Variants in GPR107 observed in about 807,000 individuals in gnomAD.
GPR107 encodes the protein G protein-coupled receptor 107.
Under a neutral mutation model 75.5 loss-of-function variants are expected in GPR107, and 31 were observed. The observed-to-expected ratio is 0.41, with a 90% CI of 0.31 to 0.55. The LOEUF (loss-of-function observed/expected upper bound fraction) is 0.55, where lower values mean the gene tolerates loss of function less well. Among genes scored for constraint, GPR107 ranks in the 20% least tolerant of loss-of-function variants. The pLI is 0.26. For missense variants in GPR107, 572 were observed against 665.7 expected (o/e 0.86, Z 1.55); for synonymous variants, 267 against 251.3 (o/e 1.06, Z -0.59).
At chr9:130,089,240 G>A (rs1452323254) in intron 7 of GPR107, among the ~76,000 whole-genome samples, 2 of 152,068 alleles carry the variant, frequency 1.3e-5, no homozygotes, top group Non-Finnish European at 2.9e-5. Flanking sequence ...GGATGCACAC[G>A]TGTCAGGCAC....
At position 130,135,263 on chromosome 9, in the gene GPR107, G is replaced by A. The variant is rs1225956450; in HGVS notation, c.*142G>A. 15 of 556,342 alleles carry A rather than the reference G, an allele frequency of 2.7e-5. No individual in the cohort carries two copies. Among genetic ancestry groups the A allele is most frequent in the South Asian group, 4.7e-5 (2 of 42,628 alleles). 34.5% of individuals were successfully genotyped at this position (556,342 alleles called of 1,614,324 possible). ...GGGCACATGGCTGGAGCACAGTGCC[G>A]CGGAAACCTGATTTTGTACTCTCTT... On this transcript the variant is annotated 3_prime_UTR_variant, in exon 18 of 18. Transcript: ENST00000347136.
At chr9:130,080,518 G>A (rs1830468698) in intron 5 of GPR107, among the ~76,000 whole-genome samples, 1 of 136,576 alleles carries the variant, frequency 7.3e-6, no homozygotes, top group South Asian at 2.2e-4. Context: ...TTGAGACGGA[G>A]TCTCGCTCTG....
intron 14 of GPR107, among the ~76,000 whole-genome samples, chr9:130,109,601 G>A (rs1170731232): frequency 5.0e-5 from 7 of 140,402 alleles, no homozygotes; most frequent in Middle Eastern, 4.4e-3. Context: ...ACGAAGTCTC[G>A]CACTGTCTGC....
At chr9:130,109,684 C>G (rs1048210797) in intron 14 of GPR107, among the ~76,000 whole-genome samples, 4 of 152,018 alleles carry the variant, frequency 2.6e-5, no homozygotes, top group African/African-American at 9.6e-5. Context: ...ATTCTCCTGC[C>G]TCAGCCTCCC....
At chr9:130,087,992 C>G (rs1830654575) in intron 7 of GPR107, among the ~76,000 whole-genome samples, 2 of 152,084 alleles carry the variant, frequency 1.3e-5, no homozygotes, top group Admixed American at 1.3e-4. Flanking sequence ...TTCCATGGAT[C>G]ATTTTGCCTG....
chr9:130,063,810 CTT>C (rs1317543145), intron 1 of GPR107, among the ~76,000 whole-genome samples: 11 of 130,200 alleles, frequency 8.4e-5, no homozygotes, highest in Non-Finnish European at 8.2e-5. Flanking sequence ...GGAGTTTATT[CTT>C]TTTTTTTTTT....
At chr9:130,090,846 A>G in intron 7 of GPR107, 30 bp from the exon 8 acceptor site, 1 of 788,202 alleles carries the variant, frequency 1.3e-6, no homozygotes, top group Non-Finnish European at 2.2e-6. Flanking sequence ...GGATTTGGGT[A>G]CCTTTAAATG....
At chr9:130,068,845 A>G (rs984165964) in intron 1 of GPR107, among the ~76,000 whole-genome samples, 1 of 151,616 alleles carries the variant, frequency 6.6e-6, no homozygotes, top group Non-Finnish European at 1.5e-5. Context: ...GGATGGGTTC[A>G]AGTGATCCTC....
intron 7 of GPR107, among the ~76,000 whole-genome samples, chr9:130,089,104 A>G (rs1322259343): frequency 1.3e-5 from 2 of 151,940 alleles, no homozygotes; most frequent in African/African-American, 4.8e-5. Flanking sequence ...CGGGAGGCTG[A>G]GGTTGCAATG....
chr9:130,118,937 G>T (rs1384489372), intron 14 of GPR107, among the ~76,000 whole-genome samples: 2 of 152,188 alleles, frequency 1.3e-5, no homozygotes, highest in Non-Finnish European at 2.9e-5. Context: ...CCTGCCTGGG[G>T]CCTTGTCTCT....
intron 6 of GPR107, among the ~76,000 whole-genome samples, chr9:130,084,835 A>G (rs1337480569): frequency 6.6e-6 from 1 of 152,008 alleles, no homozygotes; most frequent in Non-Finnish European, 1.5e-5. Flanking sequence ...TACATGATGT[A>G]GGATCAGGTA....
chr9:130,108,581 C>T (rs1831216896), intron 14 of GPR107, among the ~76,000 whole-genome samples: 1 of 152,198 alleles, frequency 6.6e-6, no homozygotes, highest in Admixed American at 6.5e-5. Flanking sequence ...TCCTGCTGTC[C>T]AGGTTCACGT....
At chr9:130,113,439 C>T (rs1419801276) in intron 14 of GPR107, among the ~76,000 whole-genome samples, 2 of 151,880 alleles carry the variant, frequency 1.3e-5, no homozygotes, top group African/African-American at 2.4e-5. Context: ...AATTTGTTGC[C>T]CAAGCTGGTC....
intron 6 of GPR107, among the ~76,000 whole-genome samples, chr9:130,085,009 A>G (rs2132578869): frequency 6.6e-6 from 1 of 152,266 alleles, no homozygotes; most frequent in African/African-American, 2.4e-5. Context: ...GGCTCGTTTG[A>G]AGTAAAAGAC....
chr9:130,075,615 C>T lies in GPR107; in HGVS notation c.142-21C>T, dbSNP rs753262523. ...AAGCACTTTTCCATATGACTAATTC[C>T]ACCACTACAAATCTCTTTAGGATGA... is the stretch of plus-strand genomic sequence containing the variant. On this transcript the variant is annotated intron_variant, in intron 1 of 17. Transcript: ENST00000347136. The T allele has an allele frequency of 4.9e-6, 6 of 1,213,178 alleles. No individual in the cohort carries two copies. The East Asian group carries it at 1.4e-4, about 28-fold the overall frequency. The allele number at this position is 1,213,178 out of a possible 1,614,324, so 75.2% of individuals were successfully genotyped here.
intron 14 of GPR107, among the ~76,000 whole-genome samples, chr9:130,119,213 C>G (rs1208513056): frequency 6.6e-6 from 1 of 152,216 alleles, no homozygotes; most frequent in South Asian, 2.1e-4. Context: ...GGGCTCCACC[C>G]CTGCTCGGCA....
chr9:130,086,542 T>C, intron 7 of GPR107, 66 bp downstream of exon 7: 1 of 914,052 alleles, frequency 1.1e-6, no homozygotes, highest in South Asian at 1.4e-5. Context: ...GTAATTTTTT[T>C]TTAGAGGAAT....
intron 11 of GPR107, 88 bp from the exon 12 acceptor site, chr9:130,101,018 G>T: frequency 2.5e-6 from 2 of 810,576 alleles, no homozygotes; most frequent in East Asian, 2.4e-5. Context: ...TAAGAAGCTT[G>T]TGAACTCATA....
At position 130,136,046 on chromosome 9, in the gene GPR107, G is replaced by A. The variant is rs552715339; in HGVS notation, c.*925G>A. ...TTTCCTCAAGGAGCAGCTGGGGGCA[G>A]AATAGGTAGTATTTAAGCAAATACT... is the stretch of plus-strand genomic sequence containing the variant. On this transcript the variant is annotated 3_prime_UTR_variant, in exon 18 of 18. Coordinates refer to ENST00000347136, the MANE Select transcript of GPR107 (RefSeq NM_020960.5). The A allele has an allele frequency of 6.6e-6, 1 of 152,316 alleles. No individual in the cohort carries two copies. The highest frequency in any genetic ancestry group is 2.1e-4 in the South Asian group (1 of 4,826). The allele number at this position is 152,316 out of a possible 1,614,324, so 9.4% of individuals were successfully genotyped here.
Sources: gnomAD v4.1 joint callset for allele counts (sites outside exome capture counted in the v4.1 genomes callset) on GRCh38, gnomAD v4.1.1 for gene constraint, MANE v1.5 for transcripts, NCBI Gene and HGNC (gene_info 2026-07-23, HGNC 2026-07-21) for gene names.